The following SLC39A11 variants were observed in gnomAD, a reference collection of about 807,000 sequenced individuals.
SLC39A11 encodes solute carrier family 39 member 11, also known as zinc transporter ZIP11.
Under a neutral mutation model 36.1 loss-of-function variants are expected in SLC39A11, and 33 were observed. The observed-to-expected ratio is 0.91, with a 90% confidence interval of 0.69 to 1.22. The LOEUF (loss-of-function observed/expected upper bound fraction) is 1.22, where lower values mean the gene tolerates loss of function less well. Among genes scored for constraint, SLC39A11 ranks in the 50% most tolerant of loss-of-function variants. The pLI is 0.00. For synonymous variants in SLC39A11, 166 were observed against 170.3 expected, an observed-to-expected ratio of 0.97 and a Z score of 0.20; for missense variants, 432 against 430.3, an observed-to-expected ratio of 1.00 and a Z score of -0.03.
At chr17:72,869,949 G>A (rs555785152) in intron 5 of SLC39A11, among the ~76,000 whole-genome samples, 1 of 151,762 alleles carries the variant, frequency 6.6e-6, no homozygotes, top group African/African-American at 2.4e-5. Flanking sequence ...ATAATACCAG[G>A]GCATATGTCC....
At chr17:73,055,371 C>T (rs549846791) in intron 3 of SLC39A11, among the ~76,000 whole-genome samples, 53 of 152,110 alleles carry the variant, frequency 3.5e-4, no homozygotes, top group African/African-American at 1.2e-3. Flanking sequence ...GAGTCTCACC[C>T]GGCAACTGCA....
chr17:72,701,596 T>TA (rs2072624284), intron 7 of SLC39A11, among the ~76,000 whole-genome samples: 1 of 151,296 alleles, frequency 6.6e-6, no homozygotes, highest in African/African-American at 2.4e-5. Context: ...GGTGTGGTGG[T>TA]GCATGCCTGT....
intron 7 of SLC39A11, among the ~76,000 whole-genome samples, chr17:72,699,032 T>TGC (rs2072468146): frequency 6.6e-6 from 1 of 152,132 alleles, no homozygotes; most frequent in South Asian, 2.1e-4. Context: ...GGTTTCACCA[T>TGC]GTTAGCCAGG....
chr17:72,977,753 G>A (rs1035176784), intron 4 of SLC39A11, among the ~76,000 whole-genome samples: 2 of 152,210 alleles, frequency 1.3e-5, no homozygotes, highest in Admixed American at 6.5e-5. Flanking sequence ...CAATGAGTTT[G>A]GGGAAACGGT....
chr17:72,906,732 G>T (rs2082674197), intron 5 of SLC39A11, among the ~76,000 whole-genome samples: 1 of 152,118 alleles, frequency 6.6e-6, no homozygotes, highest in Non-Finnish European at 1.5e-5. Flanking sequence ...CCGATTAAAG[G>T]CCCAAAATCA....
In SLC39A11 at chr17:72,864,222, T is replaced by A. The variant is rs73998441; in HGVS notation, c.431-14418A>T. 5.2e-3 allele frequency among the ~76,000 whole-genome samples: 787 copies of A among 152,284 alleles called. 3 individuals are homozygous for A. Among genetic ancestry groups the A allele is most frequent in the African/African-American group, 0.018 (746 of 41,552 alleles). On this transcript the variant is annotated intron_variant, in intron 5 of 9. Coordinates refer to ENST00000255559, the MANE Select transcript of SLC39A11 (RefSeq NM_139177.4). Reference sequence around the variant, plus strand: ...TGCATATTCCTTGCCTATGCATATATGGACAAAATGCATAAAATGCAGATT... The same window carrying A: ...TGCATATTCCTTGCCTATGCATATAAGGACAAAATGCATAAAATGCAGATT...
rs141271485 is a variant in SLC39A11 at position 73,015,205 on chromosome 17, C to T, written c.306+16351G>A. 8.4e-4 allele frequency among the ~76,000 whole-genome samples: 128 copies of T among 152,286 alleles called. 1 individual carries two copies. The highest frequency in any genetic ancestry group is 2.6e-3 in the African/African-American group (107 of 41,558). On this transcript the variant is annotated intron_variant, in intron 4 of 9. Coordinates refer to ENST00000255559, the MANE Select transcript of SLC39A11 (RefSeq NM_139177.4). ...ATAAGCACTCATCTGATCTTCTGCA[C>T]GGTTCCTTCTTCTAAATGTCTCTCA...
At chr17:72,962,271 C>T (rs2086664416) in intron 4 of SLC39A11, among the ~76,000 whole-genome samples, 1 of 152,156 alleles carries the variant, frequency 6.6e-6, no homozygotes, top group Non-Finnish European at 1.5e-5. Context: ...AAACAACACT[C>T]CTTTTTCACC....
chr17:72,840,434 T>C (rs1188265063), intron 6 of SLC39A11, among the ~76,000 whole-genome samples: 1 of 152,208 alleles, frequency 6.6e-6, no homozygotes, highest in East Asian at 1.9e-4. Flanking sequence ...TGAGTCAATG[T>C]CCTCCCTTGG....
chr17:72,791,417 A>G (rs2076698854), intron 6 of SLC39A11, among the ~76,000 whole-genome samples: 1 of 152,234 alleles, frequency 6.6e-6, no homozygotes, highest in African/African-American at 2.4e-5. Context: ...GTGTCACTGC[A>G]CTCCAGACTG....
At chr17:73,077,373 A>C (rs2060357033) in intron 3 of SLC39A11, among the ~76,000 whole-genome samples, 1 of 152,224 alleles carries the variant, frequency 6.6e-6, no homozygotes, top group Admixed American at 6.5e-5. Flanking sequence ...GCTGGAGTGC[A>C]ATGGCACGAT....
intron 6 of SLC39A11, among the ~76,000 whole-genome samples, chr17:72,792,452 C>T (rs1453795647): frequency 6.6e-6 from 1 of 152,140 alleles, no homozygotes; most frequent in Non-Finnish European, 1.5e-5. Context: ...AGAAATCTAG[C>T]CAGAGCCAGG....
intron 6 of SLC39A11, among the ~76,000 whole-genome samples, chr17:72,812,840 T>C (rs1386988000): frequency 2.0e-5 from 3 of 152,232 alleles, no homozygotes; most frequent in African/African-American, 7.2e-5. Flanking sequence ...GGTTTAGTTT[T>C]CATAAGCTCA....
intron 7 of SLC39A11, among the ~76,000 whole-genome samples, chr17:72,680,041 CAAAA>C (rs199650969): frequency 1.4e-4 from 10 of 71,696 alleles, no homozygotes; most frequent in East Asian, 8.4e-4. Flanking sequence ...GACTCTGTCT[CAAAA>C]AAAAAAAAAA....
intron 6 of SLC39A11, among the ~76,000 whole-genome samples, chr17:72,775,089 A>G (rs1057057843): frequency 5.3e-5 from 8 of 151,916 alleles, no homozygotes. Context: ...CATTCCCCCA[A>G]CACCTGGCCC....
intron 4 of SLC39A11, among the ~76,000 whole-genome samples, chr17:72,963,668 C>T (rs1230810681): frequency 6.6e-6 from 1 of 152,156 alleles, no homozygotes; most frequent in Non-Finnish European, 1.5e-5. Flanking sequence ...CACAAACTTA[C>T]AATCAAAGCT....
chr17:72,962,463 C>CTAT (rs1165506610), intron 4 of SLC39A11, among the ~76,000 whole-genome samples: 1 of 152,178 alleles, frequency 6.6e-6, no homozygotes, highest in Non-Finnish European at 1.5e-5. Flanking sequence ...ATTCAGGTCC[C>CTAT]TATTTTCTTG....
chr17:72,915,229 C>T (rs1174606943), intron 5 of SLC39A11, among the ~76,000 whole-genome samples: 1 of 152,118 alleles, frequency 6.6e-6, no homozygotes, highest in African/African-American at 2.4e-5. Flanking sequence ...GCTAGCCAAC[C>T]ACCTCCTTAT....
chr17:73,050,897 A>T (rs757996657), intron 3 of SLC39A11, among the ~76,000 whole-genome samples: 1 of 152,140 alleles, frequency 6.6e-6, no homozygotes, highest in Non-Finnish European at 1.5e-5. Flanking sequence ...GCAGGTGAGG[A>T]AAGATGATCC....
Sources: allele counts gnomAD v4.1 joint callset (sites outside exome capture counted in the v4.1 genomes callset), GRCh38; gene constraint gnomAD v4.1.1; transcripts MANE v1.5; gene names NCBI Gene and HGNC (gene_info 2026-07-23, HGNC 2026-07-21).